Variants in SP100 observed in about 807,000 individuals in gnomAD.
SP100 encodes SP100 nuclear body protein, also known as nuclear autoantigen Sp-100.
Under a neutral mutation model 130.0 loss-of-function variants are expected in SP100, and 84 were observed. The observed-to-expected ratio is 0.65, with a 90% CI of 0.54 to 0.77. SP100 has a LOEUF of 0.77. Among genes scored for constraint, SP100 ranks in the 30% least tolerant of loss-of-function variants. The pLI is 0.00. For missense variants in SP100, 978 were observed against 1,052.2 expected (o/e 0.93, Z 0.97); for synonymous variants, 331 against 351.7 (o/e 0.94, Z 0.66).
chr2:230,513,867 C>T (rs73097020), intron 24 of SP100, among the ~76,000 whole-genome samples: 6,179 of 152,294 alleles, frequency 0.041, 417 homozygotes, highest in African/African-American at 0.14. Context: ...AAAGTAGTTG[C>T]GGTTTTCGCC....
At chr2:230,442,145 C>T (rs912688006) in intron 2 of SP100, among the ~76,000 whole-genome samples, 3 of 152,006 alleles carry the variant, frequency 2.0e-5, no homozygotes, top group African/African-American at 7.3e-5. Context: ...GAAGGAAGGG[C>T]TCATAAATTT....
At chr2:230,444,079 T>C (rs2063583985) in intron 3 of SP100, 99 bp from the exon 4 acceptor site, 2 of 877,468 alleles carry the variant, frequency 2.3e-6, no homozygotes, top group South Asian at 2.1e-5. Context: ...AATACCTACG[T>C]AGAGAAATTA....
chr2:230,497,115 C>A (rs2066714764), intron 18 of SP100, among the ~76,000 whole-genome samples: 1 of 152,104 alleles, frequency 6.6e-6, no homozygotes, highest in Middle Eastern at 3.2e-3. Context: ...TTGAGCAAGA[C>A]AATTTGCAAA....
In SP100 at chr2:230,437,228, CCTTTT is replaced by C. The variant is rs2063321665; in HGVS notation, c.108-5708_108-5704del. 3.3e-5 allele frequency among the ~76,000 whole-genome samples: 5 copies of C among 152,140 alleles called. No individual in the cohort carries two copies. In the South Asian group the frequency reaches 8.3e-4, roughly 25 times the overall value. ...ATGAATAGGTTTAAATACGTTTTCT[CCTTTT>C]ATTTATTGGTATAAAATTGTAGAGA... On this transcript the variant is annotated intron_variant, in intron 2 of 28. Transcript: ENST00000340126.
chr2:230,469,139 T>C, intron 14 of SP100, 43 bp downstream of exon 14: 2 of 1,206,740 alleles, frequency 1.7e-6, no homozygotes, highest in Non-Finnish European at 2.4e-6. Context: ...ATGTCTTTAT[T>C]TGCTGCAAAA....
intron 9 of SP100, among the ~76,000 whole-genome samples, chr2:230,462,102 C>A (rs1439417374): frequency 6.6e-6 from 1 of 151,044 alleles, no homozygotes; most frequent in African/African-American, 2.4e-5. Flanking sequence ...AAAGAGACAC[C>A]ATCGCTGGAA....
intron 24 of SP100, chr2:230,520,798 G>A (rs1451988549): frequency 4.6e-5 from 7 of 152,212 alleles, no homozygotes; most frequent in Admixed American, 4.6e-4. Context: ...TGATTTTATA[G>A]GTAGGGTCAG....
In SP100 at chr2:230,497,488, GGAGGAGAGGA is replaced by G. The variant is rs1201615462; in HGVS notation, c.1646-922_1646-913del. Among the ~76,000 whole-genome samples the G allele has an allele frequency of 8.8e-3, 286 of 32,456 alleles. 12 individuals are homozygous for G. The highest frequency in any genetic ancestry group is 0.016 in the South Asian group (10 of 612). 21.3% of individuals were successfully genotyped at this position (32,456 alleles called of 152,430 possible). The stretch of plus-strand genomic sequence containing the variant: ...GGGAAGGAGGGGAGGGGAGGGGAGG[GGAGGAGAGGA>G]GAGGAGAGGAGAGGAGAGGAGAGGA... On this transcript the variant is annotated intron_variant, in intron 18 of 28. Coordinates refer to ENST00000340126, the MANE Select transcript of SP100 (RefSeq NM_001080391.2).
chr2:230,541,434 C>T, intron 27 of SP100, 62 bp downstream of exon 27: 1 of 1,399,342 alleles, frequency 7.1e-7, no homozygotes, highest in Non-Finnish European at 1.0e-6. Flanking sequence ...ATCTGAATCC[C>T]ATGGCACAAG....
intron 11 of SP100, among the ~76,000 whole-genome samples, chr2:230,464,464 T>C (rs926091407): frequency 6.6e-6 from 1 of 152,226 alleles, no homozygotes; most frequent in African/African-American, 2.4e-5. Flanking sequence ...AGAGTTGAAA[T>C]AATGTACTTA....
At position 230,544,800 on chromosome 2, in the gene SP100, G is replaced by C. The variant is rs1692268206; in HGVS notation, c.*1854G>C. ...CCGGATGAAAAGACACTTTCCAAAA[G>C]AAGATACACATGCGGCCAACAAGCA... On this transcript the variant is annotated 3_prime_UTR_variant, in exon 29 of 29. Transcript: ENST00000340126. 6.6e-6 allele frequency among the ~76,000 whole-genome samples: 1 copy of C among 152,192 alleles called. No homozygotes were observed. Among genetic ancestry groups the C allele is most frequent in the African/African-American group, 2.4e-5 (1 of 41,450 alleles).
At chr2:230,532,888 C>T (rs547894374) in intron 24 of SP100, among the ~76,000 whole-genome samples, 2 of 152,344 alleles carry the variant, frequency 1.3e-5, no homozygotes, top group Admixed American at 6.5e-5. Flanking sequence ...TCAAGCAACT[C>T]TCCTGCCTCA....
At chr2:230,470,261 A>C (rs1420280456) in intron 15 of SP100, 163 bp downstream of exon 15, 1 of 1,346,088 alleles carries the variant, frequency 7.4e-7, no homozygotes, top group Admixed American at 3.5e-5. Flanking sequence ...AGAGGCAGGA[A>C]ATTATGATAA....
intron 17 of SP100, among the ~76,000 whole-genome samples, chr2:230,477,098 C>G (rs941050395): frequency 1.3e-5 from 2 of 152,162 alleles, no homozygotes; most frequent in African/African-American, 4.8e-5. Flanking sequence ...ATCTCCTGAC[C>G]TTGTGATCTG....
At chr2:230,515,262 T>G in intron 24 of SP100, 1 of 1,611,658 alleles carries the variant, frequency 6.2e-7, no homozygotes. Flanking sequence ...CCTATATCCC[T>G]CCTAAAGGGG....
chr2:230,477,595 T>G (rs2065621026), intron 17 of SP100, among the ~76,000 whole-genome samples: 1 of 152,166 alleles, frequency 6.6e-6, no homozygotes, highest in African/African-American at 2.4e-5. Flanking sequence ...CCACTTTGAT[T>G]ACACACTGCC....
chr2:230,419,090 C>T (rs985509665), intron 2 of SP100, among the ~76,000 whole-genome samples: 4 of 152,100 alleles, frequency 2.6e-5, no homozygotes, highest in African/African-American at 9.7e-5. Flanking sequence ...TTGTATTTTT[C>T]TCTCTGAAGG....
chr2:230,442,608 A>G (rs1418994033), intron 2 of SP100, among the ~76,000 whole-genome samples: 1 of 152,074 alleles, frequency 6.6e-6, no homozygotes, highest in Admixed American at 6.5e-5. Context: ...TCTGTGGATG[A>G]CCTGTTTATT....
intron 24 of SP100, 49 bp downstream of exon 24, chr2:230,511,215 C>A (rs1410912028): frequency 8.1e-7 from 1 of 1,235,510 alleles, no homozygotes; most frequent in Non-Finnish European, 1.2e-6. Flanking sequence ...AGGCCTTTCT[C>A]CAGGCACACT....
Sources: allele counts gnomAD v4.1 joint callset (sites outside exome capture counted in the v4.1 genomes callset), GRCh38; gene constraint gnomAD v4.1.1; transcripts MANE v1.5; gene names NCBI Gene and HGNC (gene_info 2026-07-23, HGNC 2026-07-21).